The following GRM7 variants were observed in gnomAD, a reference collection of about 807,000 sequenced individuals.
GRM7 encodes metabotropic glutamate receptor 7.
A neutral mutation model predicts 84.5 loss-of-function variants in GRM7; 35 were observed. The ratio of observed to expected loss-of-function variants is 0.41; its 90% CI spans 0.32 to 0.55. The LOEUF is 0.55. Among genes scored for constraint, GRM7 ranks in the 20% least tolerant of loss-of-function variants. GRM7 has a pLI of 0.19. For missense variants in GRM7, 1,003 were observed against 1,194.6 expected (o/e 0.84, Z 2.36); for synonymous variants, 487 against 455.1 (o/e 1.07, Z -0.89).
At chr3:7,146,186 C>G (rs1172368873) in intron 1 of GRM7, among the ~76,000 whole-genome samples, 3 of 152,052 alleles carry the variant, frequency 2.0e-5, no homozygotes, top group Admixed American at 6.5e-5. Flanking sequence ...CAACCATGAC[C>G]CTGACCTTGG....
At chr3:7,613,062 T>C (rs1160650318) in intron 8 of GRM7, among the ~76,000 whole-genome samples, 1 of 152,128 alleles carries the variant, frequency 6.6e-6, no homozygotes, top group Non-Finnish European at 1.5e-5. Context: ...ATTTATGTTA[T>C]GTAAAGACAG....
At chr3:6,971,555 CA>C (rs1201178947) in intron 1 of GRM7, among the ~76,000 whole-genome samples, 1 of 152,170 alleles carries the variant, frequency 6.6e-6, no homozygotes, top group Non-Finnish European at 1.5e-5. Flanking sequence ...CCAGTTTCAC[CA>C]ATTGTTCCAA....
chr3:7,132,181 C>A (rs1223958660), intron 1 of GRM7, among the ~76,000 whole-genome samples: 2 of 152,072 alleles, frequency 1.3e-5, no homozygotes, highest in African/African-American at 2.4e-5. Context: ...TGGTGCCCCC[C>A]CAACAATATG....
At chr3:7,440,677 A>T (rs34450275) in intron 5 of GRM7, among the ~76,000 whole-genome samples, 1 of 151,874 alleles carries the variant, frequency 6.6e-6, no homozygotes, top group Non-Finnish European at 1.5e-5. Flanking sequence ...CCCAGCCTCT[A>T]TTGTCCCCTT....
chr3:6,948,930 G>A (rs1049262198), intron 1 of GRM7, among the ~76,000 whole-genome samples: 2 of 151,978 alleles, frequency 1.3e-5, no homozygotes, highest in African/African-American at 4.8e-5. Context: ...CCATCCTTTT[G>A]TTTTGAGCTT....
chr3:7,567,420 C>T (rs1694337129), intron 7 of GRM7, among the ~76,000 whole-genome samples: 1 of 152,044 alleles, frequency 6.6e-6, no homozygotes, highest in African/African-American at 2.4e-5. Flanking sequence ...TATTGCTGGG[C>T]ACCAAGTGAG....
At chr3:7,387,687 T>C (rs978307375) in intron 4 of GRM7, among the ~76,000 whole-genome samples, 5 of 152,232 alleles carry the variant, frequency 3.3e-5, no homozygotes, top group Non-Finnish European at 7.3e-5. Flanking sequence ...TTGGTTACTG[T>C]AGCCTTGTAG....
chr3:7,090,301 G>A (rs898185540), intron 1 of GRM7, among the ~76,000 whole-genome samples: 3 of 152,172 alleles, frequency 2.0e-5, no homozygotes, highest in Non-Finnish European at 4.4e-5. Context: ...AAAGATTAGT[G>A]TGAAAAATAT....
intron 1 of GRM7, among the ~76,000 whole-genome samples, chr3:6,890,695 A>G (rs1695899265): frequency 6.6e-6 from 1 of 152,024 alleles, no homozygotes; most frequent in Admixed American, 6.6e-5. Context: ...GTGCTGAAAA[A>G]AATGTATATT....
chr3:7,281,725 C>T (rs997548381), intron 2 of GRM7, among the ~76,000 whole-genome samples: 2 of 152,104 alleles, frequency 1.3e-5, no homozygotes, highest in Non-Finnish European at 2.9e-5. Flanking sequence ...TCAGGATCTT[C>T]TAAGAGGTTG....
At chr3:7,498,362 T>C (rs969703102) in intron 7 of GRM7, among the ~76,000 whole-genome samples, 5 of 152,292 alleles carry the variant, frequency 3.3e-5, no homozygotes, top group African/African-American at 9.6e-5. Flanking sequence ...GGTTGGGCAA[T>C]GTTTTAAAAG....
intron 1 of GRM7, among the ~76,000 whole-genome samples, chr3:6,877,442 T>C (rs369501830): frequency 6.6e-6 from 1 of 152,218 alleles, no homozygotes; most frequent in Non-Finnish European, 1.5e-5. Flanking sequence ...TCTATATAGA[T>C]ATGTAGACAC....
rs79091841 is a variant in GRM7, at chr3:7,351,434, C to G, written c.1033+44782C>G. On this transcript the variant is annotated intron_variant, in intron 4 of 9. Transcript: ENST00000357716. ...CTATCATCTTCATATGCTTGCAGCC[C>G]TATAAAAGCTGTAAGTCACATTGTC... is the stretch of plus-strand genomic sequence containing the variant. Among the ~76,000 whole-genome samples the G allele has an allele frequency of 4.7e-3, 715 of 151,712 alleles. 1 individual carries two copies. The highest frequency in any genetic ancestry group is 7.5e-3 in the Non-Finnish European group (509 of 67,928).
At chr3:7,267,971 G>A (rs4095095) in intron 2 of GRM7, among the ~76,000 whole-genome samples, 37,165 of 151,838 alleles carry the variant, frequency 0.24, 5,470 homozygotes, top group Admixed American at 0.35. Flanking sequence ...AGTTAGTGCC[G>A]TTAGAAAGAA....
At chr3:7,525,755 T>G (rs570029204) in intron 7 of GRM7, among the ~76,000 whole-genome samples, 148 of 152,258 alleles carry the variant, frequency 9.7e-4, no homozygotes, top group African/African-American at 3.5e-3. Flanking sequence ...CTCACCTTTA[T>G]GTCCATGTGT....
At chr3:6,909,559 G>A (rs568113597) in intron 1 of GRM7, among the ~76,000 whole-genome samples, 1 of 152,028 alleles carries the variant, frequency 6.6e-6, no homozygotes, top group Non-Finnish European at 1.5e-5. Flanking sequence ...ATCAATTGTT[G>A]GTCCAATTGT....
chr3:7,271,477 T>G lies in GRM7; in HGVS notation c.737-27207T>G, dbSNP rs1025224289. On this transcript the variant is annotated intron_variant, in intron 2 of 9. Coordinates refer to ENST00000357716, the MANE Select transcript of GRM7 (RefSeq NM_000844.4). ...GGGAGGCTGAGGCAGGAGAATGGCGTGAACCCGGGAGGCGGAGCTTGCAGT... is the reference window on the plus strand; with the variant it reads ...GGGAGGCTGAGGCAGGAGAATGGCGGGAACCCGGGAGGCGGAGCTTGCAGT... 1.2e-4 allele frequency among the ~76,000 whole-genome samples: 18 copies of G among 147,268 alleles called. No individual in the cohort carries two copies. In the South Asian group the frequency reaches 1.7e-3, roughly 14 times the overall value.
chr3:7,374,077 T>C (rs1046274460), intron 4 of GRM7, among the ~76,000 whole-genome samples: 4 of 152,090 alleles, frequency 2.6e-5, no homozygotes, highest in Admixed American at 1.3e-4. Context: ...GATCTTAGCT[T>C]TGTTAGACAA....
intron 8 of GRM7, among the ~76,000 whole-genome samples, chr3:7,632,690 TTTAA>T (rs1245671345): frequency 6.6e-6 from 1 of 152,224 alleles, no homozygotes; most frequent in African/African-American, 2.4e-5. Context: ...ATATAGTTAT[TTTAA>T]TTGTTTTCAT....
Sources: allele counts gnomAD v4.1 joint callset (sites outside exome capture counted in the v4.1 genomes callset), GRCh38; gene constraint gnomAD v4.1.1; transcripts MANE v1.5; gene names NCBI Gene and HGNC (gene_info 2026-07-23, HGNC 2026-07-21).